The following LAPTM4B variants were observed in gnomAD, a reference collection of about 807,000 sequenced individuals.
LAPTM4B encodes lysosomal-associated transmembrane protein 4B.
LAPTM4B carries 26 observed loss-of-function variants against 28.5 expected under a neutral mutation model. The observed-to-expected ratio is 0.91, with a 90% CI of 0.67 to 1.27. The LOEUF is 1.27. LAPTM4B is among the 50% of genes most tolerant of loss of function. LAPTM4B has a pLI of 0.00. For missense variants in LAPTM4B, 288 were observed against 285.8 expected (o/e 1.01, Z -0.06); for synonymous variants, 109 against 106.4 (o/e 1.02, Z -0.15).
chr8:97,781,741 T>G (rs944208817), intron 1 of LAPTM4B, among the ~76,000 whole-genome samples: 2 of 152,242 alleles, frequency 1.3e-5, no homozygotes, highest in African/African-American at 4.8e-5. Context: ...CTTATTCATG[T>G]AAAATGGAAT....
intron 1 of LAPTM4B, among the ~76,000 whole-genome samples, chr8:97,804,047 G>A (rs989853198): frequency 2.0e-5 from 3 of 152,238 alleles, no homozygotes; most frequent in African/African-American, 7.2e-5. Flanking sequence ...ACATAGAACT[G>A]TGCCATAAGT....
At position 97,804,403 on chromosome 8, in the gene LAPTM4B, C is replaced by T. The variant is rs868020798; in HGVS notation, c.100-950C>T. 2.0e-5 allele frequency among the ~76,000 whole-genome samples: 3 copies of T among 152,176 alleles called. No homozygotes were observed. The South Asian group carries it at 6.2e-4, about 32-fold the overall frequency. On this transcript the variant is annotated intron_variant, in intron 1 of 6. Coordinates refer to ENST00000521545, the MANE Select transcript of LAPTM4B (RefSeq NM_018407.6). ...GAGTGTGCAGGATAAAGATGGTAAA[C>T]TCAGATGATCAAGTTTCGTATATGG...
In LAPTM4B at chr8:97,829,696, C is replaced by CT. The variant is rs926939613; in HGVS notation, c.603+4555dup. On this transcript the variant is annotated intron_variant, in intron 6 of 6. Coordinates refer to ENST00000521545, the MANE Select transcript of LAPTM4B (RefSeq NM_018407.6). ...TTGCTGAATTTTTCTTTTCTTTCTT[C>CT]TTTTTTTTTTTTGAGACAAGAGTCT... is the stretch of plus-strand genomic sequence containing the variant. Among the ~76,000 whole-genome samples, 120 of 147,326 alleles carry CT rather than the reference C, an allele frequency of 8.1e-4. 1 individual carries two copies. The highest frequency in any genetic ancestry group is 2.2e-3 in the East Asian group (11 of 5,058).
intron 1 of LAPTM4B, 58 bp downstream of exon 1, chr8:97,776,166 T>C: frequency 2.7e-6 from 4 of 1,507,618 alleles, no homozygotes; most frequent in Non-Finnish European, 3.5e-6. Flanking sequence ...CTAGCTGGGC[T>C]TCTGGCCCGG....
At chr8:97,776,441 G>A (rs1372568666) in intron 1 of LAPTM4B, among the ~76,000 whole-genome samples, 5 of 152,252 alleles carry the variant, frequency 3.3e-5, no homozygotes, top group Non-Finnish European at 5.9e-5. Flanking sequence ...GACAAACTGA[G>A]CTTATCTGCC....
chr8:97,825,093 A>C lies in LAPTM4B; in HGVS notation c.543A>C (p.Arg181=). The C allele has an allele frequency of 6.2e-7, 1 of 1,611,786 alleles. No individual in the cohort carries two copies. Among genetic ancestry groups the C allele is most frequent in the Non-Finnish European group, 8.5e-7 (1 of 1,177,956 alleles). Residue 181 remains arginine (R), a synonymous_variant, in exon 6 of 7, where the codon CGA becomes CGC. Transcript: ENST00000521545. Reference sequence around the variant, plus strand: ...TTAGCTGTGTTTGGAACTGCTACCGATACATCAATGGTAGGAACTCCTCTG... The same window carrying C: ...TTAGCTGTGTTTGGAACTGCTACCGCTACATCAATGGTAGGAACTCCTCTG... The part of the protein sequence containing the change: ...YLISCVWNCY[R]YINGRNSSDV...
At chr8:97,786,717 A>AAAAC (rs532624807) in intron 1 of LAPTM4B, among the ~76,000 whole-genome samples, 4 of 150,172 alleles carry the variant, frequency 2.7e-5, no homozygotes, top group Admixed American at 2.0e-4. Context: ...AAAAAAAAAA[A>AAAAC]CCATTAACCT....
intron 2 of LAPTM4B, among the ~76,000 whole-genome samples, chr8:97,807,857 T>TG (rs1816777221): frequency 6.9e-6 from 1 of 145,712 alleles, no homozygotes; most frequent in Middle Eastern, 3.2e-3. Flanking sequence ...ATTAAGAAGT[T>TG]GGGGCATTAA....
intron 6 of LAPTM4B, among the ~76,000 whole-genome samples, chr8:97,840,063 G>T (rs906665288): frequency 1.3e-5 from 2 of 152,220 alleles, no homozygotes; most frequent in Admixed American, 6.5e-5. Context: ...TGAAGGAGAT[G>T]TGTACAGTAG....
chr8:97,850,888 A>G (rs1817514098), intron 6 of LAPTM4B, among the ~76,000 whole-genome samples: 2 of 151,090 alleles, frequency 1.3e-5, no homozygotes, highest in South Asian at 4.2e-4. Context: ...ATAGACCGCC[A>G]ACTCTGAGGT....
intron 1 of LAPTM4B, among the ~76,000 whole-genome samples, chr8:97,794,891 T>G (rs2513949): frequency 0.49 from 74,153 of 151,762 alleles, 19,388 homozygotes; most frequent in South Asian, 0.66. Context: ...TTTTTGTATT[T>G]TTAAGAGACA....
intron 6 of LAPTM4B, among the ~76,000 whole-genome samples, chr8:97,834,139 C>G (rs981017329): frequency 2.7e-4 from 14 of 51,860 alleles, no homozygotes; most frequent in Admixed American, 1.1e-3. Flanking sequence ...ACCCCTGTCT[C>G]TACAGAAAAA....
chr8:97,839,780 G>T (rs778839229), intron 6 of LAPTM4B, among the ~76,000 whole-genome samples: 1 of 152,160 alleles, frequency 6.6e-6, no homozygotes, highest in Non-Finnish European at 1.5e-5. Flanking sequence ...ATTTAATAAC[G>T]TGCCTCAGAG....
intron 6 of LAPTM4B, among the ~76,000 whole-genome samples, chr8:97,836,262 C>T (rs551822155): frequency 1.6e-4 from 24 of 152,282 alleles, no homozygotes; most frequent in Non-Finnish European, 3.1e-4. Flanking sequence ...CTCACTGCAA[C>T]CTCCACCCCC....
chr8:97,814,864 T>G (rs1816881088), intron 2 of LAPTM4B, among the ~76,000 whole-genome samples: 1 of 152,282 alleles, frequency 6.6e-6, no homozygotes, highest in South Asian at 2.1e-4. Flanking sequence ...CGGCTAATTT[T>G]TTGTATTTTT....
chr8:97,845,526 C>T (rs1025164039), intron 6 of LAPTM4B, among the ~76,000 whole-genome samples: 1 of 152,130 alleles, frequency 6.6e-6, no homozygotes, highest in African/African-American at 2.4e-5. Flanking sequence ...CAAGGGGCCA[C>T]ACAGTTGTCA....
chr8:97,784,422 T>A (rs1400880685), intron 1 of LAPTM4B, among the ~76,000 whole-genome samples: 3 of 152,080 alleles, frequency 2.0e-5, no homozygotes, highest in Non-Finnish European at 2.9e-5. Flanking sequence ...GAAAGCAGTT[T>A]TTTTTGGTTG....
At chr8:97,849,807 C>T (rs1290788580) in intron 6 of LAPTM4B, among the ~76,000 whole-genome samples, 5 of 151,508 alleles carry the variant, frequency 3.3e-5, no homozygotes, top group Non-Finnish European at 5.9e-5. Context: ...CCCTCCTCCA[C>T]CCCCCTGCCC....
At chr8:97,839,142 T>C (rs1817306775) in intron 6 of LAPTM4B, among the ~76,000 whole-genome samples, 1 of 152,216 alleles carries the variant, frequency 6.6e-6, no homozygotes, top group African/African-American at 2.4e-5. Flanking sequence ...TGACATTAAC[T>C]CGGCTCCTAT....
Sources: allele counts gnomAD v4.1 joint callset (sites outside exome capture counted in the v4.1 genomes callset), GRCh38; gene constraint gnomAD v4.1.1; transcripts MANE v1.5; gene names NCBI Gene and HGNC (gene_info 2026-07-23, HGNC 2026-07-21).